AP3B2: variants seen among roughly 807,000 people sequenced by gnomAD.
AP3B2 encodes AP-3 complex subunit beta-2.
AP3B2 carries 50 observed loss-of-function variants against 126.9 expected under a neutral mutation model. The observed-to-expected ratio is 0.39, with a 90% confidence interval of 0.31 to 0.50. The LOEUF (loss-of-function observed/expected upper bound fraction) is 0.50, where lower values mean the gene tolerates loss of function less well. AP3B2 is among the 20% of genes least tolerant of loss of function. The probability of loss-of-function intolerance (pLI) is 0.79; values close to 1 mark genes in which losing one functional copy is unlikely to be tolerated. For synonymous variants in AP3B2, 541 were observed against 565.0 expected, an observed-to-expected ratio of 0.96 and a Z score of 0.60; for missense variants, 1,177 against 1,426.4, an observed-to-expected ratio of 0.83 and a Z score of 2.82.
chr15:82,691,918 G>T, intron 1 of AP3B2: 1 of 1,305,382 alleles, frequency 7.7e-7, no homozygotes, highest in Admixed American at 1.8e-5. Flanking sequence ...CATATTCCAT[G>T]TCTTCTTTTC....
At chr15:82,692,083 C>G in intron 1 of AP3B2, 1 of 1,494,234 alleles carries the variant, frequency 6.7e-7, no homozygotes, top group Non-Finnish European at 9.3e-7. Flanking sequence ...AGGCCCATTC[C>G]TCCCACCACG....
Position 82,681,730 on chromosome 15 carries a change from G to C in AP3B2, c.361-150C>G. On this transcript the variant is annotated intron_variant, in intron 4 of 26. Coordinates refer to ENST00000535359, the MANE Select transcript of AP3B2 (RefSeq NM_001278512.2). The surrounding 1 kb of genome is among the most constrained non-coding windows in gnomAD (Gnocchi z 4.0). ...AGCCTGGATGGTGTGCCAGTGATGG[G>C]TATCTGGGGGACACTTAATTTTGGC... 1 of 821,588 alleles carries C rather than the reference G, an allele frequency of 1.2e-6. No homozygotes were observed. Among genetic ancestry groups the C allele is most frequent in the Non-Finnish European group, 1.9e-6 (1 of 538,676 alleles). The allele number at this position is 821,588 out of a possible 1,614,324, so 50.9% of individuals were successfully genotyped here.
In AP3B2 at chr15:82,677,314, T is replaced by C; in HGVS notation, c.1448A>G (p.Glu483Gly). 1.9e-6 allele frequency: 3 copies of C among 1,613,944 alleles called. No individual in the cohort carries two copies. Among genetic ancestry groups the C allele is most frequent in the Non-Finnish European group, 2.5e-6 (3 of 1,179,872 alleles). Residue 483 changes from glutamate to glycine, a missense_variant, in exon 13 of 27, where the codon GAG becomes GGG. This residue lies in a region of AP3B2 where 308 missense variants were observed against 452.4 expected (regional missense o/e 0.68). Transcript: ENST00000535359. ...LLQMQPAQHGEIIKHLAKLTD... is the reference protein window; with the variant it reads ...LLQMQPAQHGGIIKHLAKLTD... Reference sequence around the variant, plus strand: ...AAGCTTTGCCAAGTGTTTGATGATCTCTCCATGTTGTGCTGGCTGCATCTG... The same window carrying C: ...AAGCTTTGCCAAGTGTTTGATGATCCCTCCATGTTGTGCTGGCTGCATCTG...
intron 25 of AP3B2, among the ~76,000 whole-genome samples, 165 bp from the exon 26 acceptor site, chr15:82,660,148 G>C (rs2047914613): frequency 1.3e-5 from 2 of 152,144 alleles, no homozygotes; most frequent in African/African-American, 4.8e-5. Flanking sequence ...TTCCCTCTCA[G>C]ACTGGGCCCT....
intron 24 of AP3B2, 39 bp from the exon 25 acceptor site, chr15:82,661,961 GT>G (rs746865420): frequency 1.3e-6 from 2 of 1,563,316 alleles, no homozygotes; most frequent in Non-Finnish European, 1.8e-6. Context: ...AATTAAGGCT[GT>G]CATCTCTCCC....
chr15:82,670,069 CAAAAAA>C (rs779045948), intron 14 of AP3B2, among the ~76,000 whole-genome samples: 6 of 36,424 alleles, frequency 1.6e-4, no homozygotes, highest in Admixed American at 5.7e-4. Context: ...ACTCCGTCTC[CAAAAAA>C]AAAAAAAAAA....
At chr15:82,675,126 T>A (rs1218541286) in intron 14 of AP3B2, among the ~76,000 whole-genome samples, 1 of 152,170 alleles carries the variant, frequency 6.6e-6, no homozygotes, top group Non-Finnish European at 1.5e-5. Flanking sequence ...TTCCCCATGG[T>A]GCTCTTTCTC....
chr15:82,663,063 C>G, intron 22 of AP3B2, 64 bp downstream of exon 22: 1 of 1,509,796 alleles, frequency 6.6e-7, no homozygotes, highest in Non-Finnish European at 9.0e-7. Flanking sequence ...CACATCCACA[C>G]CATAGGATGC....
At chr15:82,690,564 C>G (rs2048509961) in intron 1 of AP3B2, among the ~76,000 whole-genome samples, 1 of 151,540 alleles carries the variant, frequency 6.6e-6, no homozygotes, top group Non-Finnish European at 1.5e-5. Context: ...TCATCCATGT[C>G]CCTACAAAGG....
rs1170388779 is a variant in AP3B2 at position 82,662,191 on chromosome 15, G to T, written c.2895C>A (p.Thr965=). ...ACCACAGCTGGAAGTTGGCTGCCTGGGTTGAGTCACAGAAATTAATGCCCA... is the reference window on the plus strand; with the variant it reads ...ACCACAGCTGGAAGTTGGCTGCCTGTGTTGAGTCACAGAAATTAATGCCCA... ...AVMGINFCDS[T]QAANFQLCTQ... Residue 965 remains threonine (T), a synonymous_variant, in exon 24 of 27, where the codon ACC becomes ACA. Transcript: ENST00000535359. The T allele has an allele frequency of 6.2e-7, 1 of 1,603,108 alleles. No homozygotes were observed. Among genetic ancestry groups the T allele is most frequent in the Non-Finnish European group, 8.5e-7 (1 of 1,174,674 alleles).
At chr15:82,703,764 C>G (rs2048756221) in intron 1 of AP3B2, among the ~76,000 whole-genome samples, 1 of 152,008 alleles carries the variant, frequency 6.6e-6, no homozygotes, top group African/African-American at 2.4e-5. Flanking sequence ...CATCCCAAAT[C>G]CTCCTTCTTT....
At chr15:82,690,642 C>CT (rs147811093) in intron 1 of AP3B2, among the ~76,000 whole-genome samples, 1,856 of 68,932 alleles carry the variant, frequency 0.027, 292 homozygotes, top group African/African-American at 0.084. Flanking sequence ...TTTTCTTCTT[C>CT]TTTTTTTTTT....
chr15:82,675,424 A>G (rs1375200192), intron 14 of AP3B2, among the ~76,000 whole-genome samples: 1 of 152,202 alleles, frequency 6.6e-6, no homozygotes, highest in Non-Finnish European at 1.5e-5. Context: ...AATGGATCAA[A>G]GAAGCCACTG....
chr15:82,663,591 G>C lies in AP3B2; in HGVS notation c.2466C>G (p.Thr822=). Reference sequence around the variant, plus strand: ...CTAGATCAAGCAGGGAGATCTCCTTGGTTGCAGGAGCACTTTTGCTGCTGG... The same window carrying C: ...CTAGATCAAGCAGGGAGATCTCCTTCGTTGCAGGAGCACTTTTGCTGCTGG... The part of the protein sequence containing the change: ...TPPSSKSAPA[T]KEISLLDLED... Residue 822 remains threonine, a synonymous_variant, in exon 21 of 27, where the codon ACC becomes ACG. Coordinates refer to ENST00000535359, the MANE Select transcript of AP3B2 (RefSeq NM_001278512.2). 1 of 1,613,842 alleles carries C rather than the reference G, an allele frequency of 6.2e-7. No individual in the cohort carries two copies. Among genetic ancestry groups the C allele is most frequent in the Non-Finnish European group, 8.5e-7 (1 of 1,179,832 alleles).
In AP3B2 at chr15:82,677,711, G is replaced by C; in HGVS notation, c.1338C>G (p.Thr446=). The C allele has an allele frequency of 3.8e-6, 6 of 1,597,132 alleles. No homozygotes were observed. Among genetic ancestry groups the C allele is most frequent in the Non-Finnish European group, 4.3e-6 (5 of 1,171,806 alleles). ...GCAGCTGCACCAGGCCATTGAGGCA[G>C]GTGTCACGGACTCGGCCGATGTTAG... ...CATNIGRVRD[T]CLNGLVQLLS... is the part of the protein sequence containing the mutation. Residue 446 remains threonine (T), a synonymous_variant, in exon 12 of 27, where the codon ACC becomes ACG. Coordinates refer to ENST00000535359, the MANE Select transcript of AP3B2 (RefSeq NM_001278512.2).
Position 82,662,155 on chromosome 15 carries a change from G to T in AP3B2, c.2918+13C>A. 6.3e-7 allele frequency: 1 copy of T among 1,590,850 alleles called. No homozygotes were observed. The highest frequency in any genetic ancestry group is 8.6e-7 in the Non-Finnish European group (1 of 1,167,554). On this transcript the variant is annotated intron_variant, in intron 24 of 26. Coordinates refer to ENST00000535359, the MANE Select transcript of AP3B2 (RefSeq NM_001278512.2). ...GCCCATCCTCTCACCCCCACCTCGA[G>T]TTGGGCACATACCACAGCTGGAAGT...
chr15:82,662,552 CAG>C (rs1162970930), intron 23 of AP3B2, 140 bp downstream of exon 23: 7 of 816,030 alleles, frequency 8.6e-6, no homozygotes, highest in Middle Eastern at 2.7e-4. Flanking sequence ...TCTTGTCCAC[CAG>C]AGTGTTGATC....
intron 1 of AP3B2, among the ~76,000 whole-genome samples, chr15:82,705,418 AC>A (rs2048781883): frequency 6.6e-6 from 1 of 151,662 alleles, no homozygotes; most frequent in African/African-American, 2.4e-5. Context: ...TTGCCTATCC[AC>A]CCCGTGGTGC....
chr15:82,673,777 T>C (rs958450525), intron 14 of AP3B2, among the ~76,000 whole-genome samples: 1 of 152,214 alleles, frequency 6.6e-6, no homozygotes, highest in Non-Finnish European at 1.5e-5. Context: ...GTATTACCTT[T>C]AGCATATTAA....
Sources: gnomAD v4.1 joint callset for allele counts (sites outside exome capture counted in the v4.1 genomes callset) on GRCh38, gnomAD v4.1.1 for gene constraint, gnomAD v4.1.1 regional missense constraint, Gnocchi (gnomAD v3.1) non-coding constraint, MANE v1.5 for transcripts, NCBI Gene and HGNC (gene_info 2026-07-23, HGNC 2026-07-21) for gene names.